The following SH3D19 variants were observed in gnomAD, a reference collection of about 807,000 sequenced individuals.
SH3D19 encodes the protein SH3 domain containing 19.
In SH3D19, 58 loss-of-function variants were observed where a neutral mutation model predicts 112.1. That is an observed-to-expected ratio of 0.52 (90% CI 0.42 to 0.64). The LOEUF is 0.64. Ranked by LOEUF, SH3D19 falls within the 30% of genes least tolerant of loss-of-function variation. The probability of loss-of-function intolerance (pLI) is 0.00; values close to 1 mark genes in which losing one functional copy is unlikely to be tolerated. For synonymous variants in SH3D19, 391 were observed against 448.5 expected (o/e 0.87, Z 1.62); for missense variants, 1,090 against 1,263.4 (o/e 0.86, Z 2.08).
intron 2 of SH3D19, among the ~76,000 whole-genome samples, 169 bp from the exon 3 acceptor site, chr4:151,187,632 CTT>C (rs1199746598): frequency 6.6e-6 from 1 of 152,108 alleles, no homozygotes; most frequent in Non-Finnish European, 1.5e-5. Context: ...ATTTTTAAAA[CTT>C]GACTTTAATT....
At chr4:151,284,702 A>G (rs915589377) in intron 1 of SH3D19, among the ~76,000 whole-genome samples, 5 of 152,308 alleles carry the variant, frequency 3.3e-5, no homozygotes, top group Non-Finnish European at 4.4e-5. Context: ...TGTCAATAGC[A>G]TGGTGTAGGG....
chr4:151,205,418 T>C (rs986047748), intron 2 of SH3D19, among the ~76,000 whole-genome samples: 3 of 152,174 alleles, frequency 2.0e-5, no homozygotes, highest in African/African-American at 7.2e-5. Context: ...ACACAGAGAA[T>C]GTAGGACCAT....
intron 4 of SH3D19, among the ~76,000 whole-genome samples, chr4:151,177,285 C>A (rs1361480496): frequency 6.6e-6 from 1 of 152,166 alleles, no homozygotes; most frequent in East Asian, 1.9e-4. Context: ...AGCCTTAGGG[C>A]AAACATACAG....
chr4:151,216,142 T>C (rs1418846702), intron 2 of SH3D19, among the ~76,000 whole-genome samples: 1 of 152,200 alleles, frequency 6.6e-6, no homozygotes, highest in African/African-American at 2.4e-5. Flanking sequence ...GTGTTACCTT[T>C]AAGGACAAGA....
At chr4:151,206,745 C>T (rs1765167869) in intron 2 of SH3D19, among the ~76,000 whole-genome samples, 1 of 152,132 alleles carries the variant, frequency 6.6e-6, no homozygotes, top group African/African-American at 2.4e-5. Flanking sequence ...TATGAGCATA[C>T]AAAGGTATCC....
At chr4:151,290,998 C>A in intron 1 of SH3D19, 2 of 677,572 alleles carry the variant, frequency 3.0e-6, no homozygotes, top group East Asian at 2.7e-5. Context: ...CAGCCCCCTG[C>A]AGGGTTCCAC....
intron 7 of SH3D19, among the ~76,000 whole-genome samples, chr4:151,169,782 T>G (rs886085766): frequency 3.9e-5 from 6 of 152,122 alleles, no homozygotes; most frequent in Non-Finnish European, 8.8e-5. Flanking sequence ...TCTTCAGAAA[T>G]AAAAGCATCA....
chr4:151,240,140 T>C (rs184853879), intron 1 of SH3D19, among the ~76,000 whole-genome samples: 1 of 152,012 alleles, frequency 6.6e-6, no homozygotes, highest in African/African-American at 2.4e-5. Flanking sequence ...CACAATGTTA[T>C]GGGCCTGTAG....
rs1290754550 is a variant in SH3D19, at chr4:151,174,905, G to T, written c.1299C>A (p.Asn433Lys). ...LLLKKSVSSENPTYPSAPLKP... is the reference protein window; with the variant it reads ...LLLKKSVSSEKPTYPSAPLKP... ...TCAGTGGAGCTGAAGGGTAGGTGGGGTTTTCTGAGGAAACAGATTTCTTCA... is the reference window on the plus strand; with the variant it reads ...TCAGTGGAGCTGAAGGGTAGGTGGGTTTTTCTGAGGAAACAGATTTCTTCA... Residue 433 changes from asparagine (N) to lysine (K), a missense_variant, in exon 7 of 20, where the codon AAC (asparagine) becomes AAA (lysine). Coordinates refer to ENST00000604030, the MANE Select transcript of SH3D19 (RefSeq NM_001378122.1). The T allele has an allele frequency of 6.2e-7, 1 of 1,613,264 alleles. No individual in the cohort carries two copies. Among genetic ancestry groups the T allele is most frequent in the African/African-American group, 1.3e-5 (1 of 74,886 alleles).
chr4:151,167,719 T>C (rs1758308874), intron 7 of SH3D19, among the ~76,000 whole-genome samples: 1 of 152,006 alleles, frequency 6.6e-6, no homozygotes, highest in Non-Finnish European at 1.5e-5. Context: ...GGAGCGCCTC[T>C]GCCCGGCCGC....
At chr4:151,150,852 G>A (rs995915582) in intron 9 of SH3D19, among the ~76,000 whole-genome samples, 5 of 151,988 alleles carry the variant, frequency 3.3e-5, no homozygotes. Context: ...GGGAAATGAA[G>A]GTAATACGTG....
At chr4:151,171,469 C>A (rs1759044152) in intron 7 of SH3D19, among the ~76,000 whole-genome samples, 2 of 152,104 alleles carry the variant, frequency 1.3e-5, no homozygotes, top group Admixed American at 6.6e-5. Context: ...CTTTTATTTG[C>A]AGTGATGGCA....
intron 1 of SH3D19, among the ~76,000 whole-genome samples, chr4:151,264,588 AAG>A (rs1772630934): frequency 6.6e-6 from 1 of 152,084 alleles, no homozygotes; most frequent in African/African-American, 2.4e-5. Context: ...AGAGTACAGG[AAG>A]AGTCTGGAAT....
chr4:151,310,869 G>C (rs1226901295), intron 1 of SH3D19, among the ~76,000 whole-genome samples: 1 of 151,298 alleles, frequency 6.6e-6, no homozygotes, highest in Non-Finnish European at 1.5e-5. Context: ...CACCATGCCT[G>C]GCCAATAAAT....
At chr4:151,207,530 A>G (rs968012186) in intron 2 of SH3D19, among the ~76,000 whole-genome samples, 2 of 152,222 alleles carry the variant, frequency 1.3e-5, no homozygotes, top group Non-Finnish European at 2.9e-5. Context: ...GCACTAGTGA[A>G]AAGAGAGGAC....
intron 1 of SH3D19, among the ~76,000 whole-genome samples, chr4:151,240,361 T>C (rs1770460397): frequency 6.6e-6 from 1 of 151,630 alleles, no homozygotes; most frequent in Non-Finnish European, 1.5e-5. Context: ...CAGTGAGCTA[T>C]GATTGCACTA....
chr4:151,275,718 A>C (rs374213560), intron 1 of SH3D19, among the ~76,000 whole-genome samples: 2 of 151,556 alleles, frequency 1.3e-5, no homozygotes, highest in East Asian at 3.9e-4. Context: ...ATAGGGTCTC[A>C]CTGTATTGCC....
At position 151,133,112 on chromosome 4, in the gene SH3D19, G is replaced by T; in HGVS notation, c.2611C>A (p.Arg871=). 1.9e-6 allele frequency: 3 copies of T among 1,614,072 alleles called. No homozygotes were observed. The highest frequency in any genetic ancestry group is 2.5e-6 in the Non-Finnish European group (3 of 1,179,988). The change falls in exon 16 of 20, where the codon CGA becomes AGA. Residue 871 remains arginine, a synonymous_variant. Coordinates refer to ENST00000604030, the MANE Select transcript of SH3D19 (RefSeq NM_001378122.1). The part of the protein sequence containing the change: ...VNEEWARGEV[R]GRTGIFPLNF... Reference sequence around the variant, plus strand: ...AGGGGGAAAATCCCAGTTCTGCCTCGAACTTCTCCTCTGGCCCATTCCTCA... The same window carrying T: ...AGGGGGAAAATCCCAGTTCTGCCTCTAACTTCTCCTCTGGCCCATTCCTCA...
chr4:151,201,208 G>T (rs1187231041), intron 2 of SH3D19, among the ~76,000 whole-genome samples: 1 of 152,094 alleles, frequency 6.6e-6, no homozygotes, highest in African/African-American at 2.4e-5. Context: ...TCACTTTCTG[G>T]AAACAGCAGG....
Sources: gnomAD v4.1 joint callset for allele counts (sites outside exome capture counted in the v4.1 genomes callset) on GRCh38, gnomAD v4.1.1 for gene constraint, MANE v1.5 for transcripts, NCBI Gene and HGNC (gene_info 2026-07-23, HGNC 2026-07-21) for gene names.